DOC2B: variants seen among roughly 807,000 people sequenced by gnomAD.
DOC2B encodes double C2 domain beta.
Under a neutral mutation model 28.9 loss-of-function variants are expected in DOC2B, and 21 were observed. The ratio of observed to expected loss-of-function variants is 0.73; its 90% CI spans 0.52 to 1.05. The LOEUF is 1.05. Ranked by LOEUF, DOC2B falls within the 50% of genes least tolerant of loss-of-function variation. The probability of loss-of-function intolerance (pLI) is 0.00; values close to 1 mark genes in which losing one functional copy is unlikely to be tolerated. For missense variants in DOC2B, 384 were observed against 421.1 expected (o/e 0.91, Z 0.77); for synonymous variants, 194 against 178.1 (o/e 1.09, Z -0.71).
At chr17:152,586 G>A (rs1202664742) in intron 6 of DOC2B, among the ~76,000 whole-genome samples, 1 of 152,062 alleles carries the variant, frequency 6.6e-6, no homozygotes, top group African/African-American at 2.4e-5. Flanking sequence ...TGGCCAATAC[G>A]GCAAAACCCA....
chr17:161,547 G>T lies in DOC2B; in HGVS notation c.639-6C>A. On this transcript the variant is annotated splice_region_variant and splice_polypyrimidine_tract_variant and intron_variant, in intron 4 of 8. Transcript: ENST00000613549. Reference sequence around the variant, plus strand: ...CCTCGTCACACACAGAGATCCTAGAGGGGGCGGTGGTGAGGGGCACAGCCA... The same window carrying T: ...CCTCGTCACACACAGAGATCCTAGATGGGGCGGTGGTGAGGGGCACAGCCA... The T allele has an allele frequency of 6.4e-7, 1 of 1,551,592 alleles. No homozygotes were observed. Among genetic ancestry groups the T allele is most frequent in the Non-Finnish European group, 8.7e-7 (1 of 1,146,954 alleles).
intron 2 of DOC2B, among the ~76,000 whole-genome samples, chr17:171,919 A>T (rs2040315077): frequency 8.2e-6 from 1 of 121,456 alleles, no homozygotes; most frequent in South Asian, 3.1e-4. Flanking sequence ...CAGGCTGCAG[A>T]GGGGAGCACC....
At chr17:154,116 T>C (rs963932860) in intron 6 of DOC2B, among the ~76,000 whole-genome samples, 3 of 151,584 alleles carry the variant, frequency 2.0e-5, no homozygotes, top group African/African-American at 7.3e-5. Context: ...ATGCACCTGC[T>C]ACACTCCTTC....
intron 7 of DOC2B, 150 bp from the exon 8 acceptor site, chr17:148,419 C>T (rs2040037903): frequency 7.6e-6 from 3 of 396,736 alleles, no homozygotes; most frequent in African/African-American, 6.2e-5. Flanking sequence ...GTCTCGCCCA[C>T]TTCCCCCTGA....
rs2151468358 is a variant in DOC2B at position 164,172 on chromosome 17, T to G, written c.486A>C (p.Ala162=). The G allele has an allele frequency of 6.4e-7, 1 of 1,554,246 alleles. No individual in the cohort carries two copies. The highest frequency in any genetic ancestry group is 1.4e-5 in the African/African-American group (1 of 73,286). Residue 162 remains alanine (A), a synonymous_variant, in exon 3 of 9, where the codon GCA becomes GCC. Coordinates refer to ENST00000613549, the MANE Select transcript of DOC2B (RefSeq NM_003585.5). ...GCAGGTGCAGCTTGACGTAGGGGTC[T>G]GCCAGCCCATTGTGGTCCATTGGCT... ...GLKPMDHNGL[A]DPYVKLHLLP...
chr17:156,461 C>T, intron 5 of DOC2B, 84 bp from the exon 6 acceptor site: 1 of 1,468,306 alleles, frequency 6.8e-7, no homozygotes, highest in Non-Finnish European at 9.2e-7. Context: ...TGAGCCCGCC[C>T]ATCCGGCTGC....
In DOC2B at chr17:147,154, A is replaced by T. The variant is rs1391299641; in HGVS notation, c.*287T>A. The T allele has an allele frequency of 3.1e-6, 1 of 326,994 alleles. No homozygotes were observed. Among genetic ancestry groups the T allele is most frequent in the East Asian group, 4.6e-5 (1 of 21,568 alleles). The allele number at this position is 326,994 out of a possible 1,614,324, so 20.3% of individuals were successfully genotyped here. A position where few individuals can be genotyped will look rare whatever the true frequency, so the allele number is the denominator to read the frequency against. On this transcript the variant is annotated 3_prime_UTR_variant, in exon 9 of 9. Transcript: ENST00000613549. ...CCTCTAGAAGGGTCTTTGCTCCCAG[A>T]TGGGCGTGTCCCCTTCCCCTGGGCA...
Position 181,412 on chromosome 17 carries a change from C to T in DOC2B, c.68G>A (p.Cys23Tyr). 8.4e-7 allele frequency: 1 copy of T among 1,188,332 alleles called. No individual in the cohort carries two copies. The highest frequency in any genetic ancestry group is 1.1e-6 in the Non-Finnish European group (1 of 947,448). The allele number at this position is 1,188,332 out of a possible 1,614,324, so 73.6% of individuals were successfully genotyped here. ...CTTGATGGGACGGATGGGGCCGGGG[C>T]ACACGTCGATGGCCATATGCTCCTG... is the stretch of plus-strand genomic sequence containing the variant. ...SIQEHMAIDV[C>Y]PGPIRPIKQI... Residue 23 changes from cysteine to tyrosine, a missense_variant, in exon 1 of 9, where the codon TGC becomes TAC. Transcript: ENST00000613549. The surrounding 1 kb of genome is among the most constrained non-coding windows in gnomAD (Gnocchi z 7.0).
Position 172,570 on chromosome 17 carries a change from G to A in DOC2B, c.420C>T (p.Asn140=), listed in dbSNP as rs952108751. The A allele has an allele frequency of 4.5e-6, 7 of 1,551,096 alleles. No individual in the cohort carries two copies. The East Asian group carries it at 1.7e-4, about 38-fold the overall frequency. ...TGGTGATGGTGCAGTGGAGGGCGTT[G>A]TTCTCCTGGTCATACAGCAGGCTGA... ...LDFSLLYDQE[N]NALHCTITKA... is the part of the protein sequence containing the mutation. Residue 140 remains asparagine, a synonymous_variant, in exon 2 of 9, where the codon AAC becomes AAT. Coordinates refer to ENST00000613549, the MANE Select transcript of DOC2B (RefSeq NM_003585.5).
Position 177,020 on chromosome 17 carries a change from C to A in DOC2B, c.373+4087G>T, listed in dbSNP as rs930875767. On this transcript the variant is annotated intron_variant, in intron 1 of 8. Coordinates refer to ENST00000613549, the MANE Select transcript of DOC2B (RefSeq NM_003585.5). ...CCTGACACCCTTGGGAATAGGAAAT[C>A]TGCCCTGATTTTTTTTTTTTTTTTT... Among the ~76,000 whole-genome samples the A allele has an allele frequency of 2.1e-5, 3 of 141,996 alleles. No homozygotes were observed. In the Admixed American group the frequency reaches 2.2e-4, roughly 11 times the overall value. 93.2% of individuals were successfully genotyped at this position (141,996 alleles called of 152,430 possible). A position where few individuals can be genotyped will look rare whatever the true frequency, so the allele number is the denominator to read the frequency against.
chr17:156,211 C>T lies in DOC2B; in HGVS notation c.923+9G>A. The T allele has an allele frequency of 6.5e-7, 1 of 1,545,572 alleles. No homozygotes were observed. The highest frequency in any genetic ancestry group is 1.2e-5 in the South Asian group (1 of 83,674). ...ACGTGGCAGGTGGTCACGCGCACGG[C>T]ACACTCACGTTTTCACGTAGGGGTC... On this transcript the variant is annotated intron_variant, in intron 6 of 8. Transcript: ENST00000613549.
intron 6 of DOC2B, among the ~76,000 whole-genome samples, chr17:151,089 A>G (rs1555521788): frequency 6.6e-6 from 1 of 152,146 alleles, no homozygotes; most frequent in African/African-American, 2.4e-5. Flanking sequence ...TGGGTGATAC[A>G]GCGAGACCCC....
At chr17:158,271 C>G (rs184940651) in intron 5 of DOC2B, among the ~76,000 whole-genome samples, 66 of 152,228 alleles carry the variant, frequency 4.3e-4, no homozygotes, top group Admixed American at 1.2e-3. Context: ...TCAGCCCCCC[C>G]AGACAAACCC....
intron 5 of DOC2B, among the ~76,000 whole-genome samples, chr17:159,013 C>T (rs552739323): frequency 2.9e-4 from 43 of 146,772 alleles, no homozygotes; most frequent in Non-Finnish European, 6.2e-4. Flanking sequence ...CACTGCACTC[C>T]AGCCTGGGCG....
rs1258862687 is a variant in DOC2B at position 164,182 on chromosome 17, T to C, written c.476A>G (p.Asn159Ser). 8 of 1,553,606 alleles carry C rather than the reference T, an allele frequency of 5.1e-6. No homozygotes were observed. Among genetic ancestry groups the C allele is most frequent in the East Asian group, 4.9e-5 (2 of 41,218 alleles). The change falls in exon 3 of 9, where the codon AAT becomes AGT. Residue 159 changes from asparagine (N) to serine (S), a missense_variant. Transcript: ENST00000613549. ...KAKGLKPMDH[N>S]GLADPYVKLH... ...CTTGACGTAGGGGTCTGCCAGCCCA[T>C]TGTGGTCCATTGGCTTCAGGCCCTG...
chr17:165,819 T>C (rs1021615784), intron 2 of DOC2B, among the ~76,000 whole-genome samples: 1 of 152,238 alleles, frequency 6.6e-6, no homozygotes, highest in Admixed American at 6.5e-5. Flanking sequence ...GTTCTGGGAA[T>C]CTGGTGGCCT....
intron 1 of DOC2B, 149 bp downstream of exon 1, chr17:180,958 G>C (rs1000464153): frequency 1.5e-5 from 9 of 618,886 alleles, no homozygotes; most frequent in Non-Finnish European, 2.1e-5. Context: ...CACCGAGTGC[G>C]CCAGGGGCCC....
rs573851867 is a variant in DOC2B at position 169,419 on chromosome 17, A to G, written c.453+3118T>C. On this transcript the variant is annotated intron_variant, in intron 2 of 8. Coordinates refer to ENST00000613549, the MANE Select transcript of DOC2B (RefSeq NM_003585.5). The stretch of plus-strand genomic sequence containing the variant: ...TTTTGCAAGCTGAAGAGGGCTCTGG[A>G]GATGGGTTTCACAGCAGTGTGAAGG... 7.2e-5 allele frequency among the ~76,000 whole-genome samples: 11 copies of G among 151,784 alleles called. No homozygotes were observed. The South Asian group carries it at 2.3e-3, about 32-fold the overall frequency.
chr17:181,249 G>A lies in DOC2B; in HGVS notation c.231C>T (p.Arg77=). The A allele has an allele frequency of 1.6e-6, 2 of 1,213,552 alleles. No homozygotes were observed. Among genetic ancestry groups the A allele is most frequent in the Non-Finnish European group, 2.0e-6 (2 of 976,484 alleles). 75.2% of individuals were successfully genotyped at this position (1,213,552 alleles called of 1,614,324 possible). A position where few individuals can be genotyped will look rare whatever the true frequency, so the allele number is the denominator to read the frequency against. ...AGRRSPSDGA[R]EDDEDVDQLF... Reference sequence around the variant, plus strand: ...GCTGGTCCACATCCTCGTCGTCCTCGCGGGCGCCGTCGGAGGGGCTGCGGC... The same window carrying A: ...GCTGGTCCACATCCTCGTCGTCCTCACGGGCGCCGTCGGAGGGGCTGCGGC... Residue 77 remains arginine, a synonymous_variant, in exon 1 of 9, where the codon CGC becomes CGT. Transcript: ENST00000613549. This position sits in a 1 kb window ranked among gnomAD's most constrained non-coding sequence, Gnocchi z 7.0.
Sources: allele counts gnomAD v4.1 joint callset (sites outside exome capture counted in the v4.1 genomes callset), GRCh38; gene constraint gnomAD v4.1.1; non-coding constraint Gnocchi (gnomAD v3.1); transcripts MANE v1.5; gene names NCBI Gene and HGNC (gene_info 2026-07-23, HGNC 2026-07-21).